Variants in ALG14 observed in about 807,000 individuals in gnomAD.
The protein encoded by ALG14 is UDP-N-acetylglucosamine transferase subunit ALG14.
In ALG14, 17 loss-of-function variants were observed where a neutral mutation model predicts 22.8. The observed-to-expected ratio is 0.75, with a 90% CI of 0.51 to 1.12. ALG14 has a LOEUF of 1.12. Among genes scored for constraint, ALG14 ranks in the 50% most tolerant of loss-of-function variants. ALG14 has a pLI of 0.00. For synonymous variants in ALG14, 89 were observed against 103.7 expected (o/e 0.86, Z 0.86); for missense variants, 288 against 271.8 (o/e 1.06, Z -0.42).
intron 2 of ALG14, among the ~76,000 whole-genome samples, chr1:95,045,726 T>C (rs1372107578): frequency 6.7e-6 from 1 of 149,980 alleles, no homozygotes; most frequent in Non-Finnish European, 1.5e-5. Context: ...ACTAATAGAA[T>C]TAGCATACTA....
At chr1:95,049,748 A>G (rs1339454368) in intron 2 of ALG14, among the ~76,000 whole-genome samples, 1 of 151,722 alleles carries the variant, frequency 6.6e-6, no homozygotes, top group Non-Finnish European at 1.5e-5. Context: ...GTGCACGTCT[A>G]TAGTCCCAGC....
At chr1:95,047,500 C>G (rs541648783) in intron 2 of ALG14, among the ~76,000 whole-genome samples, 1 of 152,038 alleles carries the variant, frequency 6.6e-6, no homozygotes, top group South Asian at 2.1e-4. Flanking sequence ...CCCACCACCA[C>G]GCCCAGCTAA....
chr1:95,064,616 T>C (rs1416900904), intron 2 of ALG14, among the ~76,000 whole-genome samples: 1 of 152,186 alleles, frequency 6.6e-6, no homozygotes, highest in Non-Finnish European at 1.5e-5. Flanking sequence ...CAACCTTGCA[T>C]CCCGGGTATG....
At chr1:94,997,006 T>A (rs1336589308) in intron 3 of ALG14, among the ~76,000 whole-genome samples, 2 of 152,096 alleles carry the variant, frequency 1.3e-5, no homozygotes, top group Non-Finnish European at 1.5e-5. Context: ...AAAAGGGTAG[T>A]TGAGAGCATC....
At chr1:95,040,247 T>G (rs1032551931) in intron 2 of ALG14, among the ~76,000 whole-genome samples, 1 of 152,068 alleles carries the variant, frequency 6.6e-6, no homozygotes, top group South Asian at 2.1e-4. Context: ...TATTTCACAG[T>G]AGAAGACTAA....
At chr1:95,016,177 C>T (rs981536969) in intron 3 of ALG14, among the ~76,000 whole-genome samples, 1 of 152,160 alleles carries the variant, frequency 6.6e-6, no homozygotes, top group Non-Finnish European at 1.5e-5. Flanking sequence ...TCCATGTAGA[C>T]AGCACCTGAT....
At chr1:95,033,869 A>C (rs1018411261) in intron 2 of ALG14, among the ~76,000 whole-genome samples, 3 of 152,166 alleles carry the variant, frequency 2.0e-5, no homozygotes, top group African/African-American at 7.2e-5. Context: ...TCTTTATAGA[A>C]TTGCCAGACC....
chr1:95,071,033 G>A (rs924006453), intron 1 of ALG14, among the ~76,000 whole-genome samples: 7 of 152,098 alleles, frequency 4.6e-5, no homozygotes, highest in Non-Finnish European at 5.9e-5. Flanking sequence ...GAACCATCAC[G>A]CCCGGCCTAA....
At chr1:95,042,099 TTC>T in intron 2 of ALG14, among the ~76,000 whole-genome samples, 1 of 152,326 alleles carries the variant, frequency 6.6e-6, no homozygotes, top group East Asian at 1.9e-4. Flanking sequence ...CTTGTATCTC[TTC>T]TTAGTTTTGT....
intron 3 of ALG14, among the ~76,000 whole-genome samples, chr1:95,012,365 C>G (rs1673390763): frequency 6.6e-6 from 1 of 152,200 alleles, no homozygotes; most frequent in Non-Finnish European, 1.5e-5. Flanking sequence ...CCTGAAATCT[C>G]TAGGTTGGGG....
At chr1:94,989,994 G>A (rs2100718933) in intron 3 of ALG14, among the ~76,000 whole-genome samples, 1 of 152,308 alleles carries the variant, frequency 6.6e-6, no homozygotes, top group Middle Eastern at 3.4e-3. Context: ...GAGTCAGACA[G>A]GGCAAAACAT....
Position 95,042,891 on chromosome 1 carries a change from T to C in ALG14, c.289-15631A>G, listed in dbSNP as rs113784508. On this transcript the variant is annotated intron_variant, in intron 2 of 3. Transcript: ENST00000370205. ...CCATTTCCTTGTTCCTTCTGAATAA[T>C]GGACTTGCAACATCCAGTTTGGTTG... Among the ~76,000 whole-genome samples, 1,325 of 152,342 alleles carry C rather than the reference T, an allele frequency of 8.7e-3. 12 individuals are homozygous for C. The highest frequency in any genetic ancestry group is 0.03 in the African/African-American group (1,257 of 41,576).
intron 2 of ALG14, among the ~76,000 whole-genome samples, chr1:95,047,958 A>G (rs1674615125): frequency 6.6e-6 from 1 of 152,234 alleles, no homozygotes; most frequent in African/African-American, 2.4e-5. Context: ...CCTGGGCAAC[A>G]CAGCAAGATC....
In ALG14 at chr1:95,027,257, T is replaced by TATACTAGA. The variant is rs1673851145; in HGVS notation, c.289-5_291dup (p.Thr98SerfsTer38). On this transcript the variant is annotated frameshift_variant, in exon 3 of 4. Transcript: ENST00000370205. LOFTEE classifies it high-confidence loss of function. ...GGAATTCGGTGAATGTAGTATTTGGTATACTAGAAGGAAACAGATGGAATC... is the reference window on the plus strand; with the variant it reads ...GGAATTCGGTGAATGTAGTATTTGGTATACTAGAATACTAGAAGGAAACAGATGGAATC... The TATACTAGA allele has an allele frequency of 6.2e-7, 1 of 1,613,990 alleles. No individual in the cohort carries two copies. Among genetic ancestry groups the TATACTAGA allele is most frequent in the Non-Finnish European group, 8.5e-7 (1 of 1,179,974 alleles).
chr1:95,065,119 G>T, intron 1 of ALG14, 102 bp from the exon 2 acceptor site: 1 of 1,007,380 alleles, frequency 9.9e-7, no homozygotes, highest in Non-Finnish European at 1.4e-6. Flanking sequence ...GGGGTGGGGG[G>T]GCACTGTAAT....
At chr1:95,030,842 A>G (rs114110637) in intron 2 of ALG14, among the ~76,000 whole-genome samples, 1 of 152,334 alleles carries the variant, frequency 6.6e-6, no homozygotes, top group African/African-American at 2.4e-5. Context: ...AGGAAGTCTC[A>G]GTCCATTTTC....
intron 3 of ALG14, among the ~76,000 whole-genome samples, chr1:95,018,383 A>C (rs565360398): frequency 6.6e-6 from 1 of 152,020 alleles, no homozygotes; most frequent in Non-Finnish European, 1.5e-5. Context: ...TGAAAATAAA[A>C]AAATTAGCTG....
At position 94,979,627 on chromosome 1, in the gene ALG14, C is replaced by A. The variant is rs188396567; in HGVS notation, c.*3449G>T. 5 of 151,798 alleles carry A rather than the reference C, an allele frequency of 3.3e-5. No homozygotes were observed. The highest frequency in any genetic ancestry group is 7.4e-5 in the Non-Finnish European group (5 of 67,932). 9.4% of individuals were successfully genotyped at this position (151,798 alleles called of 1,614,324 possible). On this transcript the variant is annotated 3_prime_UTR_variant, in exon 4 of 4. Coordinates refer to ENST00000370205, the MANE Select transcript of ALG14 (RefSeq NM_144988.4). ...CGAGAAAATTCTGGGGATAATGAAA[C>A]AAAAAAGGCAACCAATTATAATTGG...
chr1:94,991,830 G>A (rs1008118487), intron 3 of ALG14, among the ~76,000 whole-genome samples: 2 of 150,420 alleles, frequency 1.3e-5, no homozygotes, highest in Non-Finnish European at 1.5e-5. Context: ...CATTGTACAG[G>A]TGAACAAAAA....
Sources: allele counts gnomAD v4.1 joint callset (sites outside exome capture counted in the v4.1 genomes callset), GRCh38; gene constraint gnomAD v4.1.1; transcripts MANE v1.5; gene names NCBI Gene and HGNC (gene_info 2026-07-23, HGNC 2026-07-21).